CACNA1D: variants seen among roughly 807,000 people sequenced by gnomAD.
CACNA1D encodes the protein voltage-dependent L-type calcium channel subunit alpha-1D.
CACNA1D carries 55 observed loss-of-function variants against 257.1 expected under a neutral mutation model. The observed-to-expected ratio is 0.21, with a 90% CI of 0.17 to 0.27. CACNA1D has a LOEUF of 0.27. Among genes scored for constraint, CACNA1D ranks in the 10% least tolerant of loss-of-function variants. The pLI, the probability that CACNA1D is intolerant of heterozygous loss-of-function variation, is 1.00. For synonymous variants in CACNA1D, 980 were observed against 1,014.9 expected (o/e 0.97, Z 0.65); for missense variants, 1,876 against 2,784.0 (o/e 0.67, Z 7.34).
intron 28 of CACNA1D, among the ~76,000 whole-genome samples, chr3:53,753,055 C>T (rs1308390738): frequency 6.6e-6 from 1 of 152,220 alleles, no homozygotes; most frequent in Non-Finnish European, 1.5e-5. Flanking sequence ...TCAGTGCTGT[C>T]TGGACAGTAG....
At chr3:53,721,788 G>C (rs924634092) in intron 11 of CACNA1D, among the ~76,000 whole-genome samples, 2 of 151,854 alleles carry the variant, frequency 1.3e-5, no homozygotes, top group Middle Eastern at 3.2e-3. Flanking sequence ...ATTTAAGAAA[G>C]GATTGAAAAG....
chr3:53,622,649 C>T (rs1455407345), intron 3 of CACNA1D, among the ~76,000 whole-genome samples: 2 of 151,940 alleles, frequency 1.3e-5, no homozygotes, highest in Non-Finnish European at 2.9e-5. Flanking sequence ...GGGAGAGGAT[C>T]AGGAAAAACA....
At chr3:53,496,727 T>C (rs191569647) in intron 1 of CACNA1D, among the ~76,000 whole-genome samples, 23 of 152,318 alleles carry the variant, frequency 1.5e-4, no homozygotes, top group East Asian at 5.8e-4. Context: ...CCTTTTTTTT[T>C]CCCCTTGGTG....
intron 3 of CACNA1D, among the ~76,000 whole-genome samples, chr3:53,548,881 G>T (rs548070504): frequency 1.3e-5 from 2 of 152,264 alleles, no homozygotes; most frequent in African/African-American, 4.8e-5. Context: ...TAGAGAAGAT[G>T]ACCACATATT....
At chr3:53,689,815 T>G (rs1449743571) in intron 8 of CACNA1D, among the ~76,000 whole-genome samples, 1 of 152,158 alleles carries the variant, frequency 6.6e-6, no homozygotes, top group Non-Finnish European at 1.5e-5. Context: ...TATGCCACCA[T>G]GCCCAGCTAA....
intron 3 of CACNA1D, among the ~76,000 whole-genome samples, chr3:53,588,001 G>A (rs2093247173): frequency 6.6e-6 from 1 of 152,062 alleles, no homozygotes; most frequent in African/African-American, 2.4e-5. Context: ...TCTTGGTGGT[G>A]CATTTCACAA....
chr3:53,661,989 A>C (rs2094208099), intron 5 of CACNA1D, among the ~76,000 whole-genome samples: 1 of 152,300 alleles, frequency 6.6e-6, no homozygotes, highest in Non-Finnish European at 1.5e-5. Flanking sequence ...TCTCTCATCA[A>C]ACTCAAATAG....
chr3:53,497,623 G>C (rs1414141583), intron 2 of CACNA1D, among the ~76,000 whole-genome samples, 162 bp downstream of exon 2: 1 of 152,106 alleles, frequency 6.6e-6, no homozygotes, highest in East Asian at 1.9e-4. Context: ...TGTCTCTTCG[G>C]GTTGCAGAGG....
chr3:53,681,572 C>A (rs534380803), intron 8 of CACNA1D, among the ~76,000 whole-genome samples: 1 of 151,958 alleles, frequency 6.6e-6, no homozygotes, highest in East Asian at 1.9e-4. Context: ...TGGGTAGGCA[C>A]CAGGATTACA....
rs535885003 is a variant in CACNA1D at position 53,585,602 on chromosome 3, G to C, written c.484-65177G>C. On this transcript the variant is annotated intron_variant, in intron 3 of 47. Coordinates refer to ENST00000350061, the MANE Select transcript of CACNA1D (RefSeq NM_001128840.3). ...TGAATTGAACACCTGATTCAAGCAG[G>C]AGAGAGAGAGTGAAGACCTTGTCCT... is the stretch of plus-strand genomic sequence containing the variant. Among the ~76,000 whole-genome samples, 40 of 152,038 alleles carry C rather than the reference G, an allele frequency of 2.6e-4. 1 individual carries two copies. The highest frequency in any genetic ancestry group is 2.4e-3 in the Admixed American group (36 of 15,260).
chr3:53,590,796 C>T (rs140581623), intron 3 of CACNA1D, among the ~76,000 whole-genome samples: 1 of 152,250 alleles, frequency 6.6e-6, no homozygotes, highest in Non-Finnish European at 1.5e-5. Context: ...CCGAGAGGAT[C>T]GAGTGAGCGG....
At chr3:53,596,574 A>G (rs1198617209) in intron 3 of CACNA1D, among the ~76,000 whole-genome samples, 6 of 152,314 alleles carry the variant, frequency 3.9e-5, no homozygotes, top group African/African-American at 1.4e-4. Flanking sequence ...GGCCTACCCA[A>G]TCCTTACAAG....
intron 8 of CACNA1D, among the ~76,000 whole-genome samples, chr3:53,675,877 G>C (rs914426855): frequency 6.6e-6 from 1 of 152,116 alleles, no homozygotes; most frequent in African/African-American, 2.4e-5. Context: ...CTGTCAGTGC[G>C]GGCTGTGCTC....
At chr3:53,733,964 G>GTA (rs1418803915) in intron 19 of CACNA1D, among the ~76,000 whole-genome samples, 1 of 140,324 alleles carries the variant, frequency 7.1e-6, no homozygotes, top group African/African-American at 2.7e-5. Context: ...ATGTATGTAT[G>GTA]TATGTATATG....
intron 40 of CACNA1D, among the ~76,000 whole-genome samples, chr3:53,788,990 A>G (rs2095470554): frequency 6.6e-6 from 1 of 152,192 alleles, no homozygotes; most frequent in South Asian, 2.1e-4. Context: ...TGCACAAACA[A>G]CACACAGCTA....
intron 44 of CACNA1D, 42 bp downstream of exon 44, chr3:53,803,614 G>T: frequency 6.2e-7 from 1 of 1,605,712 alleles, no homozygotes; most frequent in South Asian, 1.1e-5. Flanking sequence ...AGGCCGCCCT[G>T]CCCTGGTGCT....
rs529104502 is a variant in CACNA1D at position 53,675,802 on chromosome 3, G to A, written c.1220+2676G>A. Among the ~76,000 whole-genome samples, 8 of 152,306 alleles carry A rather than the reference G, an allele frequency of 5.3e-5. No homozygotes were observed. In the South Asian group the frequency reaches 1.2e-3, roughly 24 times the overall value. On this transcript the variant is annotated intron_variant, in intron 8 of 47. Transcript: ENST00000350061. Reference sequence around the variant, plus strand: ...TCAAAACAAAACTTAGATCCCTGATGGAGGAGACTGGAAATGACACATGAA... The same window carrying A: ...TCAAAACAAAACTTAGATCCCTGATAGAGGAGACTGGAAATGACACATGAA...
chr3:53,672,816 GTGTATGGATGCT>G (rs2094337942), intron 7 of CACNA1D, among the ~76,000 whole-genome samples, 195 bp from the exon 8 acceptor site: 4 of 107,380 alleles, frequency 3.7e-5, no homozygotes, highest in Admixed American at 9.2e-5. Context: ...GTGTGTGTGT[GTGTATGGATGCT>G]TGTGTGTGTG....
In CACNA1D at chr3:53,673,839, C is replaced by T. The variant is rs748624536; in HGVS notation, c.1220+713C>T. On this transcript the variant is annotated intron_variant, in intron 8 of 47. Transcript: ENST00000350061. This position sits in a 1 kb window ranked among gnomAD's most constrained non-coding sequence, Gnocchi z 4.1. ...TGGGTAAGCAGTCGGATCCGTGTTG[C>T]ACCTTCTCCTGCTGCCACGTGTGAG... The T allele has an allele frequency of 1.4e-6, 2 of 1,472,628 alleles. No homozygotes were observed. Among genetic ancestry groups the T allele is most frequent in the Non-Finnish European group, 9.5e-7 (1 of 1,050,944 alleles). The allele number at this position is 1,472,628 out of a possible 1,614,324, so 91.2% of individuals were successfully genotyped here.
Sources: allele counts gnomAD v4.1 joint callset (sites outside exome capture counted in the v4.1 genomes callset), GRCh38; gene constraint gnomAD v4.1.1; non-coding constraint Gnocchi (gnomAD v3.1); transcripts MANE v1.5; gene names NCBI Gene and HGNC (gene_info 2026-07-23, HGNC 2026-07-21).